Variants in RAB6A observed in about 807,000 individuals in gnomAD.
The protein encoded by RAB6A is RAB6A, member RAS oncogene family.
Under a neutral mutation model 32.3 loss-of-function variants are expected in RAB6A, and 8 were observed. The ratio of observed to expected loss-of-function variants is 0.25; its 90% confidence interval spans 0.15 to 0.45. The LOEUF is 0.45. Among genes scored for constraint, RAB6A ranks in the 20% least tolerant of loss-of-function variants. RAB6A has a pLI of 1.00. For synonymous variants in RAB6A, 73 were observed against 82.1 expected (o/e 0.89, Z 0.60); for missense variants, 104 against 249.4 (o/e 0.42, Z 3.93).
In RAB6A at chr11:73,677,670, A is replaced by G. The variant is rs761469632; in HGVS notation, c.*228T>C. ...TAATTTTTAAAGTTATCACTGGAATATGCTGAAATATTTTGGCTTTTTGTA... is the reference window on the plus strand; with the variant it reads ...TAATTTTTAAAGTTATCACTGGAATGTGCTGAAATATTTTGGCTTTTTGTA... On this transcript the variant is annotated 3_prime_UTR_variant, in exon 8 of 8. Transcript: ENST00000336083. 1.8e-5 allele frequency: 21 copies of G among 1,140,338 alleles called. No individual in the cohort carries two copies. Among genetic ancestry groups the G allele is most frequent in the Non-Finnish European group, 2.2e-5 (18 of 809,616 alleles). The allele number at this position is 1,140,338 out of a possible 1,614,324, so 70.6% of individuals were successfully genotyped here.
intron 1 of RAB6A, among the ~76,000 whole-genome samples, chr11:73,753,113 A>G (rs1295023235): frequency 6.6e-6 from 1 of 151,476 alleles, no homozygotes; most frequent in Non-Finnish European, 1.5e-5. Context: ...AGCCGAGCGC[A>G]ATGGCGAATG....
chr11:73,758,829 G>GA lies in RAB6A; in HGVS notation c.70+1736_70+1737insT, dbSNP rs1252958796. Among the ~76,000 whole-genome samples, 7 of 152,212 alleles carry GA rather than the reference G, an allele frequency of 4.6e-5. No individual in the cohort carries two copies. In the South Asian group the frequency reaches 6.2e-4, roughly 14 times the overall value. On this transcript the variant is annotated intron_variant, in intron 1 of 7. Coordinates refer to ENST00000336083, the MANE Select transcript of RAB6A (RefSeq NM_198896.2). The stretch of plus-strand genomic sequence containing the variant: ...AACCAATAAACTATATTTTATGTTT[G>GA]GGAACTATCCTGATATTGACACAGA...
rs201171899 is a variant in RAB6A, at chr11:73,692,959, AAAAAC to A, written c.496-13244_496-13240del. 8.5e-3 allele frequency among the ~76,000 whole-genome samples: 1,287 copies of A among 150,786 alleles called. 8 individuals carry two copies. Among genetic ancestry groups the A allele is most frequent in the Non-Finnish European group, 0.01 (700 of 67,692 alleles). The stretch of plus-strand genomic sequence containing the variant: ...CTGGGCTACAGAGCGAGACTGTCTC[AAAAAC>A]AAAACAAAACAAAACAAAAAAACAA... On this transcript the variant is annotated intron_variant, in intron 6 of 7. Transcript: ENST00000336083.
intron 5 of RAB6A, 151 bp from the exon 6 acceptor site, chr11:73,707,664 GA>G (rs1228324826): frequency 1.8e-6 from 1 of 569,470 alleles, no homozygotes; most frequent in Non-Finnish European, 3.0e-6. Context: ...CCACACTCTT[GA>G]AATTTGTGTG....
At chr11:73,724,611 T>C (rs1200165813) in intron 2 of RAB6A, among the ~76,000 whole-genome samples, 1 of 150,260 alleles carries the variant, frequency 6.7e-6, no homozygotes, top group African/African-American at 2.4e-5. Flanking sequence ...CTCAGCCTCC[T>C]GAATAGCTGG....
chr11:73,722,305 G>GTATGTGTGTGTGTGTATATATATA (rs1555061991), intron 2 of RAB6A: 1 of 42,364 alleles, frequency 2.4e-5, no homozygotes, highest in African/African-American at 9.9e-5. Context: ...ATGTGTGTGT[G>GTATGTGTGTGTGTGTATATATATA]TATATATATA....
intron 1 of RAB6A, among the ~76,000 whole-genome samples, chr11:73,732,862 G>A (rs1435504235): frequency 6.6e-6 from 1 of 151,664 alleles, no homozygotes; most frequent in Admixed American, 6.6e-5. Context: ...ACCCAGGCTG[G>A]AGTGCAGTGA....
chr11:73,686,329 G>C (rs1259875637), intron 6 of RAB6A, among the ~76,000 whole-genome samples: 1 of 152,158 alleles, frequency 6.6e-6, no homozygotes, highest in African/African-American at 2.4e-5. Context: ...GCAAAGGTGG[G>C]GGGATCATTT....
At chr11:73,681,637 C>T (rs1307784306) in intron 6 of RAB6A, among the ~76,000 whole-genome samples, 1 of 152,048 alleles carries the variant, frequency 6.6e-6, no homozygotes. Context: ...GGTGAAACCC[C>T]GTCTCTACTA....
At chr11:73,751,937 TAAA>T (rs907332111) in intron 1 of RAB6A, among the ~76,000 whole-genome samples, 1 of 151,836 alleles carries the variant, frequency 6.6e-6, no homozygotes, top group South Asian at 2.1e-4. Context: ...CACAAGAGCA[TAAA>T]AAACAAAAAC....
In RAB6A at chr11:73,710,753, A is replaced by AT. The variant is rs200147374; in HGVS notation, c.402-3241dup. 5.2e-3 allele frequency among the ~76,000 whole-genome samples: 738 copies of AT among 141,562 alleles called. 3 individuals carry two copies. The highest frequency in any genetic ancestry group is 8.5e-3 in the African/African-American group (328 of 38,644). The allele number at this position is 141,562 out of a possible 152,430, so 92.9% of individuals were successfully genotyped here. On this transcript the variant is annotated intron_variant, in intron 5 of 7. Coordinates refer to ENST00000336083, the MANE Select transcript of RAB6A (RefSeq NM_198896.2). ...CTCAGTCTTGAAAAAAAAAAAGTTA[A>AT]TTTTTTTTTTTTTTTGAGACAAGGT...
intron 6 of RAB6A, among the ~76,000 whole-genome samples, chr11:73,705,373 C>T (rs1299188635): frequency 6.6e-6 from 1 of 152,086 alleles, no homozygotes; most frequent in African/African-American, 2.4e-5. Flanking sequence ...CAAGGTGAAA[C>T]CCTGTCTTTA....
At chr11:73,691,600 G>T (rs568443376) in intron 6 of RAB6A, among the ~76,000 whole-genome samples, 1 of 152,288 alleles carries the variant, frequency 6.6e-6, no homozygotes, top group Admixed American at 6.5e-5. Context: ...CCCAGTATCT[G>T]ACATGCAGTA....
chr11:73,743,304 CAAAAA>C (rs56400918), intron 1 of RAB6A, among the ~76,000 whole-genome samples: 2 of 103,350 alleles, frequency 1.9e-5, no homozygotes, highest in Admixed American at 1.1e-4. Context: ...AACTCTGTCT[CAAAAA>C]AAAAAAAAAA....
At chr11:73,713,473 C>T (rs1383706145) in intron 5 of RAB6A, among the ~76,000 whole-genome samples, 1 of 151,268 alleles carries the variant, frequency 6.6e-6, no homozygotes, top group Non-Finnish European at 1.5e-5. Context: ...GAGGCTGAGG[C>T]AGGAGAATGG....
At chr11:73,732,367 A>C (rs1229781669) in intron 1 of RAB6A, among the ~76,000 whole-genome samples, 1 of 152,054 alleles carries the variant, frequency 6.6e-6, no homozygotes, top group Non-Finnish European at 1.5e-5. Flanking sequence ...CGGGCGGATC[A>C]CGAGGTCAGG....
chr11:73,693,540 CAT>C (rs1438715742), intron 6 of RAB6A, among the ~76,000 whole-genome samples: 1 of 134,256 alleles, frequency 7.4e-6, no homozygotes. Context: ...GCCTGGGCAA[CAT>C]AGCAAGACTC....
At chr11:73,707,573 TAAAG>T (rs1945868650) in intron 5 of RAB6A, 60 bp from the exon 6 acceptor site, 1 of 1,264,350 alleles carries the variant, frequency 7.9e-7, no homozygotes, top group South Asian at 1.3e-5. Flanking sequence ...ATAAAGATTA[TAAAG>T]AAAGCTCTGA....
chr11:73,704,523 A>C (rs923557434), intron 6 of RAB6A, among the ~76,000 whole-genome samples: 2 of 150,206 alleles, frequency 1.3e-5, no homozygotes, highest in African/African-American at 4.9e-5. Context: ...TCTCTACTAA[A>C]AATACAAAAA....
Sources: allele counts gnomAD v4.1 joint callset (sites outside exome capture counted in the v4.1 genomes callset), GRCh38; gene constraint gnomAD v4.1.1; transcripts MANE v1.5; gene names NCBI Gene and HGNC (gene_info 2026-07-23, HGNC 2026-07-21).